The following CELF2 variants were observed in gnomAD, a reference collection of about 807,000 sequenced individuals.
The protein encoded by CELF2 is CUGBP Elav-like family member 2.
Under a neutral mutation model 62.6 loss-of-function variants are expected in CELF2, and 8 were observed. The ratio of observed to expected loss-of-function variants is 0.13; its 90% CI spans 0.07 to 0.23. The LOEUF (loss-of-function observed/expected upper bound fraction) is 0.23, where lower values mean the gene tolerates loss of function less well. Ranked by LOEUF, CELF2 falls within the 10% of genes least tolerant of loss-of-function variation. The pLI is 1.00. For missense variants in CELF2, 333 were observed against 671.0 expected, an observed-to-expected ratio of 0.50 and a Z score of 5.56; for synonymous variants, 258 against 250.0, an observed-to-expected ratio of 1.03 and a Z score of -0.30.
Position 11,007,043 on chromosome 10 carries a change from T to C in CELF2, c.53+1603T>C, listed in dbSNP as rs532090165. On this transcript the variant is annotated intron_variant, in intron 1 of 12. Transcript: ENST00000416382. ...TTATAATTGATTTACATGAAAATCA[T>C]TTTACTAAGGTTGACTTCTGTGAAG... is the stretch of plus-strand genomic sequence containing the variant. Among the ~76,000 whole-genome samples the C allele has an allele frequency of 3.3e-5, 5 of 152,354 alleles. No individual in the cohort carries two copies. The South Asian group carries it at 1.0e-3, about 32-fold the overall frequency.
At chr10:11,121,481 T>G (rs1211826238) in intron 1 of CELF2, among the ~76,000 whole-genome samples, 1 of 152,202 alleles carries the variant, frequency 6.6e-6, no homozygotes, top group Non-Finnish European at 1.5e-5. Context: ...TTTGGTTTCT[T>G]CTCATCTTCC....
At chr10:10,485,699 T>C in the CELF2 span, among the ~76,000 whole-genome samples, 1 of 152,178 alleles carries the variant, frequency 6.6e-6, no homozygotes, top group Non-Finnish European at 1.5e-5. Flanking sequence ...GAATGCTTTG[T>C]GTTTATATAG....
At chr10:11,020,217 G>A (rs1450430602) in intron 1 of CELF2, among the ~76,000 whole-genome samples, 1 of 152,124 alleles carries the variant, frequency 6.6e-6, no homozygotes, top group East Asian at 1.9e-4. Flanking sequence ...CCAAATGATA[G>A]CCTTTGGAAT....
At chr10:11,187,818 A>G (rs1456270308) in intron 2 of CELF2, among the ~76,000 whole-genome samples, 1 of 152,210 alleles carries the variant, frequency 6.6e-6, no homozygotes, top group Non-Finnish European at 1.5e-5. Flanking sequence ...ACATGTTAAA[A>G]TACATCCACA....
At chr10:11,193,974 T>TTC (rs1156523982) in intron 2 of CELF2, among the ~76,000 whole-genome samples, 9 of 152,186 alleles carry the variant, frequency 5.9e-5, no homozygotes, top group African/African-American at 2.2e-4. Flanking sequence ...AATTTGGTAG[T>TTC]TCAAGGACAA....
intron 1 of CELF2, among the ~76,000 whole-genome samples, chr10:10,843,800 A>G (rs1364055853): frequency 1.3e-5 from 2 of 152,046 alleles, no homozygotes; most frequent in African/African-American, 4.8e-5. Flanking sequence ...ATCGCCCCCC[A>G]ACACTGAATA....
At chr10:10,616,298 GTGT>G in the CELF2 span, among the ~76,000 whole-genome samples, 13 of 106,436 alleles carry the variant, frequency 1.2e-4, no homozygotes, top group Admixed American at 5.2e-4. Context: ...TGTTTGGGGT[GTGT>G]GTGTGTGTGT....
At chr10:10,722,380 G>A in the CELF2 span, among the ~76,000 whole-genome samples, 1 of 152,170 alleles carries the variant, frequency 6.6e-6, no homozygotes, top group Non-Finnish European at 1.5e-5. Flanking sequence ...AATAGTGCAT[G>A]TTAAAAAATA....
rs1025004572 is a variant in CELF2 at position 11,332,022 on chromosome 10, C to T, written c.*2969C>T. 1 of 152,140 alleles carries T rather than the reference C, an allele frequency of 6.6e-6. No individual in the cohort carries two copies. The highest frequency in any genetic ancestry group is 2.4e-5 in the African/African-American group (1 of 41,406). 9.4% of individuals were successfully genotyped at this position (152,140 alleles called of 1,614,324 possible). On this transcript the variant is annotated 3_prime_UTR_variant, in exon 13 of 13. Coordinates refer to ENST00000633077, the MANE Select transcript of CELF2 (RefSeq NM_001326342.2). ...CAAAAGAAAACAGAAAACAATTCCA[C>T]GAGGCCAATCTAAAGGGAAAAAATC...
intron 1 of CELF2, among the ~76,000 whole-genome samples, chr10:11,053,670 A>C (rs2064462645): frequency 7.3e-6 from 1 of 137,668 alleles, no homozygotes; most frequent in African/African-American, 2.8e-5. Flanking sequence ...GCTGGAGTGC[A>C]GTGGCGTGAT....
At chr10:10,801,770 C>A (rs2054686631) in intron 1 of CELF2, among the ~76,000 whole-genome samples, 1 of 152,206 alleles carries the variant, frequency 6.6e-6, no homozygotes, top group African/African-American at 2.4e-5. Context: ...TTCTGCCAAA[C>A]CTGTTGCTCC....
intron 2 of CELF2, among the ~76,000 whole-genome samples, chr10:10,987,582 G>C (rs1405774651): frequency 1.3e-5 from 2 of 152,096 alleles, no homozygotes; most frequent in Non-Finnish European, 2.9e-5. Flanking sequence ...TTCAGAGATA[G>C]AGCACATTAA....
rs1445841379 is a variant in CELF2, at chr10:11,010,516, A to G, written c.53+5076A>G. Among the ~76,000 whole-genome samples the G allele has an allele frequency of 6.6e-6, 1 of 152,224 alleles. No homozygotes were observed. The highest frequency in any genetic ancestry group is 2.4e-5 in the African/African-American group (1 of 41,460). On this transcript the variant is annotated intron_variant, in intron 1 of 12. Transcript: ENST00000416382. This position sits in a 1 kb window ranked among gnomAD's most constrained non-coding sequence, Gnocchi z 4.1. ...CTACCTGGCACTACACTAACTGGTT[A>G]CTTTGATCTTGTATAATTTAATCCT...
chr10:10,644,391 C>T, the CELF2 span, among the ~76,000 whole-genome samples: 28 of 117,662 alleles, frequency 2.4e-4, no homozygotes, highest in South Asian at 7.7e-3. Flanking sequence ...GGAAACTGCA[C>T]AGTGTGTGTT....
chr10:10,924,265 C>G (rs113166717), intron 2 of CELF2, among the ~76,000 whole-genome samples: 4,969 of 107,338 alleles, frequency 0.046, 159 homozygotes, highest in Middle Eastern at 0.14. Context: ...CTGGGCAACA[C>G]AGCGAGACTC....
At position 11,328,870 on chromosome 10, in the gene CELF2, T is replaced by C; in HGVS notation, c.1439-56T>C. 6.4e-7 allele frequency: 1 copy of C among 1,567,800 alleles called. No homozygotes were observed. The highest frequency in any genetic ancestry group is 8.7e-7 in the Non-Finnish European group (1 of 1,153,178). On this transcript the variant is annotated intron_variant, in intron 12 of 12. Coordinates refer to ENST00000633077, the MANE Select transcript of CELF2 (RefSeq NM_001326342.2). The surrounding 1 kb of genome is among the most constrained non-coding windows in gnomAD (Gnocchi z 6.4). ...CTTCCCCAGAGCTCCAGCCCCCTTT[T>C]CTGTTTTCTGCTGGGCTTCCTCTCC... is the stretch of plus-strand genomic sequence containing the variant.
chr10:10,602,419 T>G, the CELF2 span, among the ~76,000 whole-genome samples: 1 of 152,182 alleles, frequency 6.6e-6, no homozygotes, highest in Non-Finnish European at 1.5e-5. Flanking sequence ...TCAAACTTTG[T>G]GCAAACGGTA....
the CELF2 span, among the ~76,000 whole-genome samples, chr10:10,745,133 C>CAAAAAA: frequency 2.5e-5 from 2 of 78,606 alleles, no homozygotes. Flanking sequence ...AAAAACAAAA[C>CAAAAAA]AAAAAAAAAC....
intron 1 of CELF2, among the ~76,000 whole-genome samples, chr10:10,848,950 G>A (rs2059195074): frequency 6.6e-6 from 1 of 152,202 alleles, no homozygotes. Context: ...CCTGGGTGAA[G>A]GGGAAAAAAA....
Sources: allele counts gnomAD v4.1 joint callset (sites outside exome capture counted in the v4.1 genomes callset), GRCh38; gene constraint gnomAD v4.1.1; non-coding constraint Gnocchi (gnomAD v3.1); transcripts MANE v1.5; gene names NCBI Gene and HGNC (gene_info 2026-07-23, HGNC 2026-07-21).